The following PLEKHH1 variants were observed in gnomAD, a reference collection of about 807,000 sequenced individuals.
PLEKHH1 encodes the protein pleckstrin homology, MyTH4 and FERM domain containing H1, also known as pleckstrin homology domain-containing family H member 1.
Under a neutral mutation model 160.0 loss-of-function variants are expected in PLEKHH1, and 104 were observed. The ratio of observed to expected loss-of-function variants is 0.65; its 90% CI spans 0.55 to 0.76. The LOEUF (loss-of-function observed/expected upper bound fraction) is 0.76. Ranked by LOEUF, PLEKHH1 falls within the 30% of genes least tolerant of loss-of-function variation. PLEKHH1 has a pLI of 0.00. For synonymous variants in PLEKHH1, 619 were observed against 678.4 expected (o/e 0.91, Z 1.36); for missense variants, 1,427 against 1,724.1 (o/e 0.83, Z 3.05).
At position 67,587,319 on chromosome 14, in the gene PLEKHH1, G is replaced by A. The variant is rs765815680; in HGVS notation, c.*84G>A. 5.8e-5 allele frequency: 84 copies of A among 1,458,944 alleles called. No homozygotes were observed. The East Asian group carries it at 1.4e-3, about 24-fold the overall frequency. 90.4% of individuals were successfully genotyped at this position (1,458,944 alleles called of 1,614,324 possible). A position where few individuals can be genotyped will look rare whatever the true frequency, so the allele number is the denominator to read the frequency against. ...TCCTAGGGTATGATACTACTGTGAC[G>A]GGTCTAACAGCCCCCGGCTACTCTT... is the stretch of plus-strand genomic sequence containing the variant. On this transcript the variant is annotated 3_prime_UTR_variant, in exon 29 of 29. Coordinates refer to ENST00000329153, the MANE Select transcript of PLEKHH1 (RefSeq NM_020715.3).
chr14:67,579,390 GCTT>G, intron 21 of PLEKHH1, 79 bp downstream of exon 21: 3 of 1,197,196 alleles, frequency 2.5e-6, no homozygotes, highest in Non-Finnish European at 3.4e-6. Context: ...TTAGGCTCAG[GCTT>G]GGCAGATTGT....
At chr14:67,541,216 T>C (rs2140325454) in intron 1 of PLEKHH1, among the ~76,000 whole-genome samples, 1 of 152,342 alleles carries the variant, frequency 6.6e-6, no homozygotes, top group South Asian at 2.1e-4. Flanking sequence ...ACATTTTATA[T>C]AGATGAAATA....
intron 3 of PLEKHH1, 148 bp downstream of exon 3, chr14:67,556,035 G>T: frequency 1.9e-6 from 2 of 1,072,800 alleles, no homozygotes; most frequent in Non-Finnish European, 2.7e-6. Flanking sequence ...CTTTCTGTGG[G>T]AGTAGAGTCT....
Position 67,588,023 on chromosome 14 carries a change from A to C in PLEKHH1, c.*788A>C, listed in dbSNP as rs1400674473. On this transcript the variant is annotated 3_prime_UTR_variant, in exon 29 of 29. Coordinates refer to ENST00000329153, the MANE Select transcript of PLEKHH1 (RefSeq NM_020715.3). Reference sequence around the variant, plus strand: ...AAGGTGCTGACAGAGTTGGAGAAAAAAGAATAGACTCATTTTTCCCCATTA... The same window carrying C: ...AAGGTGCTGACAGAGTTGGAGAAAACAGAATAGACTCATTTTTCCCCATTA... 1 of 152,610 alleles carries C rather than the reference A, an allele frequency of 6.6e-6. No homozygotes were observed. Among genetic ancestry groups the C allele is most frequent in the African/African-American group, 2.4e-5 (1 of 41,442 alleles). 9.5% of individuals were successfully genotyped at this position (152,610 alleles called of 1,614,324 possible).
At chr14:67,581,273 T>TGC (rs1399057325) in intron 23 of PLEKHH1, among the ~76,000 whole-genome samples, 4 of 119,934 alleles carry the variant, frequency 3.3e-5, no homozygotes, top group Admixed American at 3.3e-4. Flanking sequence ...TGTGTGTATA[T>TGC]GCACACACAC....
At position 67,575,896 on chromosome 14, in the gene PLEKHH1, A is replaced by G. The variant is rs774599926; in HGVS notation, c.2243A>G (p.Asp748Gly). The change falls in exon 16 of 29, where the codon GAC (aspartate) becomes GGC (glycine). Residue 748 changes from aspartate to glycine, a missense_variant. Asp to Gly is a moderately conservative substitution (Grantham distance 94). Transcript: ENST00000329153. ...GATCGATCCTGTGACTCAGACGAGG[A>G]CTATGAGGCTGGAGGAACCAGACGG... ...EVDRSCDSDE[D>G]YEAGGTRRLL... The G allele has an allele frequency of 2.0e-5, 32 of 1,613,780 alleles. 1 individual carries two copies. In the East Asian group the frequency reaches 6.9e-4, roughly 35 times the overall value.
rs201313847 is a variant in PLEKHH1, at chr14:67,582,660, AT to A, written c.3426+451del. On this transcript the variant is annotated intron_variant, in intron 24 of 28. Coordinates refer to ENST00000329153, the MANE Select transcript of PLEKHH1 (RefSeq NM_020715.3). The surrounding 1 kb of genome is among the most constrained non-coding windows in gnomAD (Gnocchi z 5.0). ...GAAACCCTGTCTCTACTGAAAAAAAATAAAATAAAATAAAATAAAAATAAAA... is the reference window on the plus strand; with the variant it reads ...GAAACCCTGTCTCTACTGAAAAAAAAAAAATAAAATAAAATAAAAATAAAA... Among the ~76,000 whole-genome samples, 5 of 140,510 alleles carry A rather than the reference AT, an allele frequency of 3.6e-5. No homozygotes were observed. The highest frequency in any genetic ancestry group is 2.3e-4 in the South Asian group (1 of 4,324). The allele number at this position is 140,510 out of a possible 152,430, so 92.2% of individuals were successfully genotyped here.
In PLEKHH1 at chr14:67,574,377, C is replaced by A; in HGVS notation, c.2062C>A (p.Pro688Thr). ...AGCTCTGCTTCGGGGTGGCACCAAG[C>A]CCACCGTGAAGGGCTGGCTGACCAA... Reference protein sequence around the residue: ...PPALLRGGTKPTVKGWLTKVK... With the variant: ...PPALLRGGTKTTVKGWLTKVK... The change falls in exon 14 of 29, where the codon CCC becomes ACC. Residue 688 changes from proline to threonine, a missense_variant. By Grantham distance (38) the Pro-to-Thr change is conservative. This residue lies in a region of PLEKHH1 where 831 missense variants were observed against 929.2 expected (regional missense o/e 0.89). Coordinates refer to ENST00000329153, the MANE Select transcript of PLEKHH1 (RefSeq NM_020715.3). The surrounding 1 kb of genome is among the most constrained non-coding windows in gnomAD (Gnocchi z 4.2). The A allele has an allele frequency of 1.3e-6, 2 of 1,586,434 alleles. No individual in the cohort carries two copies. The highest frequency in any genetic ancestry group is 1.8e-5 in the Admixed American group (1 of 55,268).
At position 67,581,681 on chromosome 14, in the gene PLEKHH1, ACTTT is replaced by A. The variant is rs1435972135; in HGVS notation, c.3285-385_3285-382del. The A allele has an allele frequency of 2.5e-5, 5 of 196,594 alleles. No individual in the cohort carries two copies. The East Asian group carries it at 6.4e-4, about 25-fold the overall frequency. 12.2% of individuals were successfully genotyped at this position (196,594 alleles called of 1,614,324 possible). Reference sequence around the variant, plus strand: ...AGGAAATACAGAAGTAGACATCCTGACTTTCTATCAATTTGAGTAAGAAAATCCC... The same window carrying A: ...AGGAAATACAGAAGTAGACATCCTGACTATCAATTTGAGTAAGAAAATCCC... On this transcript the variant is annotated intron_variant, in intron 23 of 28. Transcript: ENST00000329153.
chr14:67,579,082 A>T lies in PLEKHH1; in HGVS notation c.2850-52A>T, dbSNP rs919242525. The T allele has an allele frequency of 2.0e-5, 27 of 1,349,288 alleles. No individual in the cohort carries two copies. The African/African-American group carries it at 3.6e-4, about 18-fold the overall frequency. The allele number at this position is 1,349,288 out of a possible 1,614,324, so 83.6% of individuals were successfully genotyped here. On this transcript the variant is annotated intron_variant, in intron 20 of 28. Transcript: ENST00000329153. ...GTCTAGATAGGGATCCGGGGTGCCAAAGTGGCAGAGATGAGCAGAGCCCAT... is the reference window on the plus strand; with the variant it reads ...GTCTAGATAGGGATCCGGGGTGCCATAGTGGCAGAGATGAGCAGAGCCCAT...
chr14:67,575,371 C>G, intron 14 of PLEKHH1, 21 bp from the exon 15 acceptor site: 1 of 1,497,018 alleles, frequency 6.7e-7, no homozygotes, highest in Non-Finnish European at 9.2e-7. Context: ...CTCATAATGC[C>G]AGTTCATTTC....
At chr14:67,546,585 T>C (rs977164739) in intron 2 of PLEKHH1, among the ~76,000 whole-genome samples, 8 of 152,158 alleles carry the variant, frequency 5.3e-5, no homozygotes, top group African/African-American at 1.7e-4. Flanking sequence ...AGATGGAGTT[T>C]CTCCATTTTG....
Position 67,562,736 on chromosome 14 carries a change from A to C in PLEKHH1, c.1105A>C (p.Arg369=). 6.2e-7 allele frequency: 1 copy of C among 1,613,726 alleles called. No homozygotes were observed. Among genetic ancestry groups the C allele is most frequent in the Non-Finnish European group, 8.5e-7 (1 of 1,179,810 alleles). Residue 369 remains arginine (R), a synonymous_variant, in exon 7 of 29, where the codon AGG becomes CGG. Coordinates refer to ENST00000329153, the MANE Select transcript of PLEKHH1 (RefSeq NM_020715.3). The part of the protein sequence containing the change: ...SGLPELESRA[R]SREEPEKMEM... ...CCTTCCTGAGCTGGAGTCCCGAGCT[A>C]GGTCCCGGGAGGAACCAGAGAAGAT...
At chr14:67,584,181 G>T in intron 26 of PLEKHH1, 57 bp downstream of exon 26, 1 of 1,568,838 alleles carries the variant, frequency 6.4e-7, no homozygotes, top group East Asian at 2.3e-5. Context: ...AACTGCTCAT[G>T]TTTGAGCCAT....
At chr14:67,538,222 T>G (rs954008319) in intron 1 of PLEKHH1, among the ~76,000 whole-genome samples, 2 of 152,220 alleles carry the variant, frequency 1.3e-5, no homozygotes, top group Non-Finnish European at 2.9e-5. Context: ...CCTGTTAGTA[T>G]GAGATATCTG....
intron 2 of PLEKHH1, among the ~76,000 whole-genome samples, chr14:67,553,949 A>AGG (rs1213506469): frequency 6.6e-6 from 1 of 152,196 alleles, no homozygotes; most frequent in African/African-American, 2.4e-5. Flanking sequence ...TGGCTTGAAC[A>AGG]CGTGAATGCC....
At chr14:67,537,842 T>A (rs2033801233) in intron 1 of PLEKHH1, among the ~76,000 whole-genome samples, 1 of 152,164 alleles carries the variant, frequency 6.6e-6, no homozygotes, top group South Asian at 2.1e-4. Context: ...AGCCCCTGCC[T>A]CTGGGGCATA....
intron 1 of PLEKHH1, 41 bp from the exon 2 acceptor site, chr14:67,541,793 C>G: frequency 7.3e-7 from 1 of 1,360,954 alleles, no homozygotes; most frequent in Non-Finnish European, 9.9e-7. Context: ...CTTCCTCACA[C>G]GCTTATTTAT....
Position 67,573,426 on chromosome 14 carries a change from C to CCACAT in PLEKHH1, c.1839+45_1839+49dup, listed in dbSNP as rs1228068461. 6.0e-6 allele frequency: 7 copies of CCACAT among 1,159,650 alleles called. No homozygotes were observed. The highest frequency in any genetic ancestry group is 9.1e-6 in the Non-Finnish European group (7 of 767,282). 71.8% of individuals were successfully genotyped at this position (1,159,650 alleles called of 1,614,324 possible). A position where few individuals can be genotyped will look rare whatever the true frequency, so the allele number is the denominator to read the frequency against. On this transcript the variant is annotated intron_variant, in intron 12 of 28. Coordinates refer to ENST00000329153, the MANE Select transcript of PLEKHH1 (RefSeq NM_020715.3). The surrounding 1 kb of genome is among the most constrained non-coding windows in gnomAD (Gnocchi z 4.8). The stretch of plus-strand genomic sequence containing the variant: ...GCCCAGCACTGCAGTCAAAAGGTCT[C>CCACAT]CACATCACACCCTGGACTATGTCAG...
Sources: gnomAD v4.1 joint callset for allele counts (sites outside exome capture counted in the v4.1 genomes callset) on GRCh38, gnomAD v4.1.1 for gene constraint, gnomAD v4.1.1 regional missense constraint, Gnocchi (gnomAD v3.1) non-coding constraint, MANE v1.5 for transcripts, NCBI Gene and HGNC (gene_info 2026-07-23, HGNC 2026-07-21) for gene names.